Variants in RNF150 observed in about 807,000 individuals in gnomAD.
RNF150 encodes the protein ring finger protein 150.
RNF150 carries 24 observed loss-of-function variants against 39.3 expected under a neutral mutation model. The observed-to-expected ratio is 0.61, with a 90% CI of 0.44 to 0.86. The LOEUF (loss-of-function observed/expected upper bound fraction) is 0.86, where lower values mean the gene tolerates loss of function less well. Ranked by LOEUF, RNF150 falls within the 40% of genes least tolerant of loss-of-function variation. RNF150 has a pLI of 0.00. For missense variants in RNF150, 502 were observed against 587.8 expected, an observed-to-expected ratio of 0.85 and a Z score of 1.51; for synonymous variants, 255 against 227.3, an observed-to-expected ratio of 1.12 and a Z score of -1.10.
intron 1 of RNF150, among the ~76,000 whole-genome samples, chr4:141,017,787 A>C (rs556831548): frequency 1.5e-4 from 23 of 152,322 alleles, no homozygotes; most frequent in African/African-American, 5.3e-4. Flanking sequence ...ACTTAGCAAT[A>C]TGCATTTAAT....
chr4:140,908,764 A>G lies in RNF150; in HGVS notation c.1198+2380T>C, dbSNP rs148184851. 1.4e-3 allele frequency among the ~76,000 whole-genome samples: 209 copies of G among 152,280 alleles called. 1 individual carries two copies. Among genetic ancestry groups the G allele is most frequent in the African/African-American group, 4.8e-3 (199 of 41,574 alleles). The stretch of plus-strand genomic sequence containing the variant: ...GTATTTTAACCCACAATATATTTAC[A>G]TATATTTTATTTTGGATGTAATTTA... On this transcript the variant is annotated intron_variant, in intron 6 of 6. Coordinates refer to ENST00000515673, the MANE Select transcript of RNF150 (RefSeq NM_020724.2).
chr4:140,909,525 A>C (rs1730513860), intron 6 of RNF150, among the ~76,000 whole-genome samples: 1 of 151,708 alleles, frequency 6.6e-6, no homozygotes, highest in South Asian at 2.1e-4. Flanking sequence ...ACATGCTGTA[A>C]GTGTAAATGA....
intron 1 of RNF150, among the ~76,000 whole-genome samples, chr4:141,170,779 G>A (rs963079022): frequency 3.3e-5 from 5 of 152,152 alleles, no homozygotes; most frequent in Admixed American, 6.6e-5. Context: ...ATGTCAACTA[G>A]CTTCAGTGTG....
chr4:140,965,605 A>C (rs1013485565), intron 2 of RNF150, among the ~76,000 whole-genome samples: 1 of 152,138 alleles, frequency 6.6e-6, no homozygotes, highest in Non-Finnish European at 1.5e-5. Flanking sequence ...CATTTGCCAC[A>C]ACATAGATGG....
chr4:141,061,499 G>A (rs1349147080), intron 1 of RNF150, among the ~76,000 whole-genome samples: 1 of 152,162 alleles, frequency 6.6e-6, no homozygotes, highest in Non-Finnish European at 1.5e-5. Flanking sequence ...ATTTAACCCA[G>A]TATGGCCTAC....
intron 1 of RNF150, among the ~76,000 whole-genome samples, chr4:141,116,997 G>C (rs925364555): frequency 1.3e-5 from 2 of 151,984 alleles, no homozygotes; most frequent in Non-Finnish European, 2.9e-5. Context: ...GTCAGGGGGT[G>C]GGGGGACTAG....
intron 1 of RNF150, among the ~76,000 whole-genome samples, chr4:141,177,357 A>G (rs1268481620): frequency 6.6e-6 from 1 of 152,118 alleles, no homozygotes. Flanking sequence ...CTGAGGATAG[A>G]TGGGTTTGGC....
intron 6 of RNF150, among the ~76,000 whole-genome samples, chr4:140,873,046 A>G (rs1729009403): frequency 2.0e-5 from 3 of 152,250 alleles, no homozygotes; most frequent in Admixed American, 2.0e-4. Flanking sequence ...AAACACCTAG[A>G]GCAAAAGACC....
At chr4:141,008,879 T>G (rs13123111) in intron 1 of RNF150, among the ~76,000 whole-genome samples, 145,573 of 152,136 alleles carry the variant, frequency 0.96, 69,962 homozygotes, top group East Asian at 1. Flanking sequence ...ATTATCCAGG[T>G]TATCCTAAGC....
chr4:141,144,664 G>A (rs938142604), intron 1 of RNF150, among the ~76,000 whole-genome samples: 1 of 152,078 alleles, frequency 6.6e-6, no homozygotes, highest in African/African-American at 2.4e-5. Context: ...AGGTAAAGAT[G>A]AGCTAATTAT....
At chr4:141,157,107 A>G (rs1727419768) in intron 1 of RNF150, among the ~76,000 whole-genome samples, 1 of 152,114 alleles carries the variant, frequency 6.6e-6, no homozygotes, top group Non-Finnish European at 1.5e-5. Context: ...CTGTCATCAG[A>G]AACTCAGATG....
At position 141,069,641 on chromosome 4, in the gene RNF150, G is replaced by A. The variant is rs551268018; in HGVS notation, c.484+62684C>T. 2.0e-5 allele frequency among the ~76,000 whole-genome samples: 3 copies of A among 151,224 alleles called. No homozygotes were observed. The East Asian group carries it at 5.8e-4, about 29-fold the overall frequency. On this transcript the variant is annotated intron_variant, in intron 1 of 6. Coordinates refer to ENST00000515673, the MANE Select transcript of RNF150 (RefSeq NM_020724.2). ...AATAGTTTCAGAAGGAATGGTACCA[G>A]TTCCTCCTTGTACTTCTGGTAGAAT...
At chr4:141,109,832 C>A (rs1018279982) in intron 1 of RNF150, among the ~76,000 whole-genome samples, 1 of 152,100 alleles carries the variant, frequency 6.6e-6, no homozygotes. Flanking sequence ...GGCCAAGATT[C>A]GAGAAAGAAA....
chr4:141,118,130 G>A (rs62324902), intron 1 of RNF150, among the ~76,000 whole-genome samples: 19,570 of 152,054 alleles, frequency 0.13, 1,453 homozygotes, highest in Middle Eastern at 0.18. Flanking sequence ...CACAAGCTCT[G>A]CTTCCTGGGG....
rs1055861975 is a variant in RNF150, at chr4:140,975,862, T to A, written c.485-7989A>T. On this transcript the variant is annotated intron_variant, in intron 1 of 6. Transcript: ENST00000515673. ...CTCCTCTCAGATGACCCCATGTACC[T>A]TTTGCCTGAGGCATTGCTGAAGTTC... 4.6e-5 allele frequency among the ~76,000 whole-genome samples: 7 copies of A among 152,274 alleles called. No individual in the cohort carries two copies. The East Asian group carries it at 1.4e-3, about 29-fold the overall frequency.
intron 1 of RNF150, among the ~76,000 whole-genome samples, chr4:141,067,153 A>G (rs1323868029): frequency 1.3e-5 from 2 of 152,210 alleles, no homozygotes; most frequent in Admixed American, 1.3e-4. Context: ...CTGTACTTGC[A>G]AATACATCAA....
chr4:141,063,783 G>A (rs1737341915), intron 1 of RNF150, among the ~76,000 whole-genome samples: 1 of 152,040 alleles, frequency 6.6e-6, no homozygotes. Flanking sequence ...GATTCTCACA[G>A]TTTCATGTGT....
intron 1 of RNF150, among the ~76,000 whole-genome samples, chr4:140,992,944 G>C (rs1323988605): frequency 6.6e-6 from 1 of 152,096 alleles, no homozygotes; most frequent in Non-Finnish European, 1.5e-5. Flanking sequence ...GAGCAGAGCA[G>C]CAGGTGACCA....
chr4:141,204,465 C>T (rs989093252), intron 1 of RNF150, among the ~76,000 whole-genome samples: 1 of 152,118 alleles, frequency 6.6e-6, no homozygotes, highest in Non-Finnish European at 1.5e-5. Context: ...CCTTATCTAC[C>T]TTTGCATCTC....
Sources: allele counts gnomAD v4.1 joint callset (sites outside exome capture counted in the v4.1 genomes callset), GRCh38; gene constraint gnomAD v4.1.1; transcripts MANE v1.5; gene names NCBI Gene and HGNC (gene_info 2026-07-23, HGNC 2026-07-21).